Variants in BMAL1 observed in about 807,000 individuals in gnomAD.
The protein encoded by BMAL1 is basic helix-loop-helix ARNT-like protein 1.
chr11:13,284,612 CT>C, the BMAL1 span, among the ~76,000 whole-genome samples: 5,702 of 143,996 alleles, frequency 0.04, 347 homozygotes, highest in African/African-American at 0.14. Context: ...TGGAAATTGT[CT>C]TTTTTTTTTG....
At chr11:13,279,325 C>T in the BMAL1 span, among the ~76,000 whole-genome samples, 1 of 152,354 alleles carries the variant, frequency 6.6e-6, no homozygotes, top group African/African-American at 2.4e-5. Flanking sequence ...AAAGCTGCCC[C>T]TTAGATGCAT....
At chr11:13,291,841 G>A in the BMAL1 span, among the ~76,000 whole-genome samples, 1 of 152,240 alleles carries the variant, frequency 6.6e-6, no homozygotes, top group Non-Finnish European at 1.5e-5. Flanking sequence ...CATATCTTTT[G>A]TGGGATATCA....
chr11:13,308,973 A>T, the BMAL1 span, among the ~76,000 whole-genome samples: 58 of 152,246 alleles, frequency 3.8e-4, no homozygotes, highest in Admixed American at 2.2e-3. Context: ...ATTTTTGCAG[A>T]TGAAAAGAGT....
the BMAL1 span, among the ~76,000 whole-genome samples, chr11:13,362,656 C>T: frequency 6.6e-6 from 1 of 152,266 alleles, no homozygotes; most frequent in South Asian, 2.1e-4. Flanking sequence ...GTTATTCAAA[C>T]ACCCAACTTT....
At chr11:13,325,906 G>T in the BMAL1 span, among the ~76,000 whole-genome samples, 1 of 151,720 alleles carries the variant, frequency 6.6e-6, no homozygotes, top group Non-Finnish European at 1.5e-5. Context: ...GAGAAGCGGG[G>T]AAAGAGTAGA....
At chr11:13,290,988 C>A in the BMAL1 span, among the ~76,000 whole-genome samples, 1 of 152,166 alleles carries the variant, frequency 6.6e-6, no homozygotes, top group African/African-American at 2.4e-5. Context: ...CTCCTGGATA[C>A]TCTGGCTGGT....
the BMAL1 span, among the ~76,000 whole-genome samples, chr11:13,333,263 G>A: frequency 7.2e-5 from 11 of 152,132 alleles, no homozygotes; most frequent in South Asian, 2.1e-4. Flanking sequence ...CACTGCGCCC[G>A]GCCAATACTG....
the BMAL1 span, among the ~76,000 whole-genome samples, chr11:13,303,142 G>C: frequency 1.1e-4 from 17 of 152,282 alleles, no homozygotes; most frequent in Admixed American, 9.2e-4. Flanking sequence ...GCCTTCAAGG[G>C]ATAGAGTAAG....
chr11:13,301,752 T>G, the BMAL1 span, among the ~76,000 whole-genome samples: 1 of 152,104 alleles, frequency 6.6e-6, no homozygotes, highest in East Asian at 1.9e-4. Context: ...ATGGAGAGTA[T>G]CAGGTGCCAG....
chr11:13,289,830 C>A, the BMAL1 span, among the ~76,000 whole-genome samples: 1 of 152,174 alleles, frequency 6.6e-6, no homozygotes, highest in Non-Finnish European at 1.5e-5. Flanking sequence ...GTGAATAGTG[C>A]CACAATAAAC....
At chr11:13,380,757 G>A in the BMAL1 span, 1 of 163,620 alleles carries the variant, frequency 6.1e-6, no homozygotes, top group Non-Finnish European at 1.3e-5. Context: ...AATTCACCTG[G>A]ATTCTGTGAG....
the BMAL1 span, among the ~76,000 whole-genome samples, chr11:13,286,078 A>G: frequency 6.6e-6 from 1 of 152,234 alleles, no homozygotes; most frequent in Non-Finnish European, 1.5e-5. Flanking sequence ...TTCTATAAGA[A>G]ACAATGAAGT....
chr11:13,378,681 T>C, the BMAL1 span: 3 of 502,040 alleles, frequency 6.0e-6, no homozygotes, highest in Non-Finnish European at 1.0e-5. Context: ...CAATCCAAAA[T>C]GTTAGTAGTG....
At chr11:13,346,313 C>G in the BMAL1 span, among the ~76,000 whole-genome samples, 2 of 152,238 alleles carry the variant, frequency 1.3e-5, no homozygotes, top group African/African-American at 4.8e-5. Flanking sequence ...GAACACTGAT[C>G]CACTCTGCCA....
the BMAL1 span, among the ~76,000 whole-genome samples, chr11:13,305,180 G>A: frequency 5.0e-4 from 76 of 152,264 alleles, 1 homozygote; most frequent in African/African-American, 1.8e-3. Flanking sequence ...ATGGCAGGGC[G>A]TGAGCTGTGA....
the BMAL1 span, chr11:13,386,483 C>T: frequency 8.6e-7 from 1 of 1,162,314 alleles, no homozygotes; most frequent in Non-Finnish European, 1.2e-6. Context: ...AGCAGCATCT[C>T]ACCCTACCAT....
chr11:13,355,684 A>C, the BMAL1 span, among the ~76,000 whole-genome samples: 2 of 152,194 alleles, frequency 1.3e-5, no homozygotes, highest in African/African-American at 4.8e-5. Context: ...CAAGGAACAG[A>C]TAGAATTCTA....
At chr11:13,373,248 G>C in the BMAL1 span, among the ~76,000 whole-genome samples, 4 of 152,132 alleles carry the variant, frequency 2.6e-5, no homozygotes, top group African/African-American at 9.7e-5. Flanking sequence ...CAATTAATTG[G>C]TAATAGACCT....
chr11:13,354,621 C>T, the BMAL1 span: 1 of 796,040 alleles, frequency 1.3e-6, no homozygotes, highest in African/African-American at 1.7e-5. Flanking sequence ...AGTTTGTAAG[C>T]AAGAAGGAGC....
Sources: gnomAD v4.1 joint callset for allele counts (sites outside exome capture counted in the v4.1 genomes callset) on GRCh38, gnomAD v4.1.1 for gene constraint, MANE v1.5 for transcripts, NCBI Gene and HGNC (gene_info 2026-07-23, HGNC 2026-07-21) for gene names.